Variants in CDCA7L observed in about 807,000 individuals in gnomAD.
The protein encoded by CDCA7L is cell division cycle associated 7 like, also known as cell division cycle-associated 7-like protein.
CDCA7L carries 44 observed loss-of-function variants against 57.4 expected under a neutral mutation model. The observed-to-expected ratio is 0.77, with a 90% CI of 0.60 to 0.98. The LOEUF is 0.98. CDCA7L is among the 50% of genes least tolerant of loss of function. The probability of loss-of-function intolerance (pLI) is 0.00; values close to 1 mark genes in which losing one functional copy is unlikely to be tolerated. For synonymous variants in CDCA7L, 236 were observed against 202.8 expected (o/e 1.16, Z -1.39); for missense variants, 644 against 580.6 (o/e 1.11, Z -1.12).
At chr7:21,904,354 A>AAT in intron 7 of CDCA7L, 95 bp from the exon 8 acceptor site, 1 of 1,209,316 alleles carries the variant, frequency 8.3e-7, no homozygotes, top group Non-Finnish European at 1.1e-6. Flanking sequence ...TATATGAAGA[A>AAT]ATACCCCCGT....
intron 4 of CDCA7L, 50 bp from the exon 5 acceptor site, chr7:21,906,689 T>G: frequency 6.3e-7 from 1 of 1,574,814 alleles, no homozygotes. Flanking sequence ...GGCTCCAGGT[T>G]TAGGTCATCC....
chr7:21,906,285 A>C lies in CDCA7L; in HGVS notation c.921+4T>G, dbSNP rs543951715. 220 of 1,585,946 alleles carry C rather than the reference A, an allele frequency of 1.4e-4. 3 individuals are homozygous for C. The South Asian group carries it at 2.4e-3, about 17-fold the overall frequency. ...AACTAATTCATGTATTAGTCAGAAA[A>C]TACCCCAATTGTCTTCCTTCTTCGG... is the stretch of plus-strand genomic sequence containing the variant. On this transcript the variant is annotated splice_donor_region_variant and intron_variant, in intron 6 of 9. Transcript: ENST00000406877.
intron 7 of CDCA7L, 118 bp downstream of exon 7, chr7:21,905,388 G>T: frequency 8.6e-7 from 1 of 1,158,528 alleles, no homozygotes; most frequent in Non-Finnish European, 1.2e-6. Context: ...CCAATTCAGA[G>T]CCTGGCTCTG....
chr7:21,931,495 T>A (rs989148401), intron 1 of CDCA7L, among the ~76,000 whole-genome samples: 3 of 152,142 alleles, frequency 2.0e-5, no homozygotes, highest in African/African-American at 4.8e-5. Flanking sequence ...ATAAACATAA[T>A]CCATCACATA....
At position 21,902,208 on chromosome 7, in the gene CDCA7L, A is replaced by G; in HGVS notation, c.*114T>C. ...TTTAACAAAAAATAGTAATTTCTAC[A>G]AAGAATTTCTGTATAAAAACACAAC... On this transcript the variant is annotated 3_prime_UTR_variant, in exon 10 of 10. Transcript: ENST00000406877. 2 of 1,005,994 alleles carry G rather than the reference A, an allele frequency of 2.0e-6. No individual in the cohort carries two copies. Among genetic ancestry groups the G allele is most frequent in the South Asian group, 2.7e-5 (2 of 75,026 alleles). 62.3% of individuals were successfully genotyped at this position (1,005,994 alleles called of 1,614,324 possible). A position where few individuals can be genotyped will look rare whatever the true frequency, so the allele number is the denominator to read the frequency against.
chr7:21,906,439 C>T lies in CDCA7L; in HGVS notation c.771G>A (p.Arg257=). ...TGATCTGTCCCTCCGAGAAGGCCCG[C>T]CTCACTGTCTTCTTCCTCTGAAATC... is the stretch of plus-strand genomic sequence containing the variant. The part of the protein sequence containing the change: ...PTSASRKKTV[R]RAFSEGQITR... The change falls in exon 6 of 10, where the codon AGG becomes AGA. Residue 257 remains arginine, a synonymous_variant. Transcript: ENST00000406877. 6.2e-7 allele frequency: 1 copy of T among 1,610,400 alleles called. No individual in the cohort carries two copies. The highest frequency in any genetic ancestry group is 8.5e-7 in the Non-Finnish European group (1 of 1,177,860).
chr7:21,905,806 C>A, intron 6 of CDCA7L, 175 bp from the exon 7 acceptor site: 1 of 678,454 alleles, frequency 1.5e-6, no homozygotes, highest in Non-Finnish European at 2.3e-6. Context: ...GCCAAGCTTC[C>A]TTCTCAGCAA....
At chr7:21,942,110 T>G (rs1302945378) in intron 1 of CDCA7L, among the ~76,000 whole-genome samples, 1 of 152,178 alleles carries the variant, frequency 6.6e-6, no homozygotes, top group African/African-American at 2.4e-5. Context: ...CTCAACTGAC[T>G]ATCTGATCAG....
intron 3 of CDCA7L, among the ~76,000 whole-genome samples, chr7:21,911,203 T>C (rs1785315277): frequency 6.6e-6 from 1 of 151,670 alleles, no homozygotes; most frequent in Non-Finnish European, 1.5e-5. Flanking sequence ...CTAATTTTTG[T>C]ATTTTGAGGA....
intron 9 of CDCA7L, 141 bp downstream of exon 9, chr7:21,902,833 GCAAA>G: frequency 1.4e-6 from 1 of 700,040 alleles, no homozygotes. Flanking sequence ...CTTTTCCAAT[GCAAA>G]CAGATACAGA....
chr7:21,906,322 C>G lies in CDCA7L; in HGVS notation c.888G>C (p.Glu296Asp), dbSNP rs1785137343. The change falls in exon 6 of 10, where the codon GAG becomes GAC. Residue 296 changes from glutamate (E) to aspartate (D), a missense_variant. Physicochemically the swap from Glu to Asp is conservative, Grantham distance 45. Transcript: ENST00000406877. ...TCTTCCTTCTTCGGAAGCTGTAAAACTCTTCCGCAAATTTAGCGGCTGAGA... is the reference window on the plus strand; with the variant it reads ...TCTTCCTTCTTCGGAAGCTGTAAAAGTCTTCCGCAAATTTAGCGGCTGAGA... ...FTVSAAKFAE[E>D]FYSFRRRKTI... is the part of the protein sequence containing the mutation. The G allele has an allele frequency of 1.2e-6, 2 of 1,606,888 alleles. No individual in the cohort carries two copies. The highest frequency in any genetic ancestry group is 8.5e-7 in the Non-Finnish European group (1 of 1,177,584).
chr7:21,918,318 G>A (rs1214756085), intron 1 of CDCA7L, among the ~76,000 whole-genome samples: 4 of 152,144 alleles, frequency 2.6e-5, no homozygotes, highest in Non-Finnish European at 4.4e-5. Context: ...CCTGGATCCC[G>A]ACCCAACTCC....
chr7:21,929,269 A>G lies in CDCA7L; in HGVS notation c.25-12375T>C, dbSNP rs549106643. ...CAAGCAAATGCTGAGAGATTTTGTC[A>G]CCACCAGGCCTGCCTTATAAGAGTT... On this transcript the variant is annotated intron_variant, in intron 1 of 9. Transcript: ENST00000406877. 6.9e-4 allele frequency among the ~76,000 whole-genome samples: 105 copies of G among 152,268 alleles called. 1 individual carries two copies. In the South Asian group the frequency reaches 0.021, roughly 30 times the overall value.
rs773371427 is a variant in CDCA7L, at chr7:21,904,188, A to C, written c.1119T>G (p.Cys373Trp). The change falls in exon 8 of 10, where the codon TGT becomes TGG. Residue 373 changes from cysteine to tryptophan, a missense_variant. By Grantham distance (215) the Cys-to-Trp change is radical (BLOSUM62 -2). Coordinates refer to ENST00000406877, the MANE Select transcript of CDCA7L (RefSeq NM_018719.5). Reference sequence around the variant, plus strand: ...GTCCACAGAACTGTCCTCGCACACCACAGCAACCCTGGTTCCGACACACTG... The same window carrying C: ...GTCCACAGAACTGTCCTCGCACACCCCAGCAACCCTGGTTCCGACACACTG... The part of the protein sequence containing the change: ...TKTVCRNQGC[C>W]GVRGQFCGPC... 5 of 1,613,828 alleles carry C rather than the reference A, an allele frequency of 3.1e-6. No homozygotes were observed. The South Asian group carries it at 4.4e-5, about 14-fold the overall frequency.
At chr7:21,911,790 G>GTA (rs776662984) in intron 2 of CDCA7L, 36 bp from the exon 3 acceptor site, 1 of 1,594,952 alleles carries the variant, frequency 6.3e-7, no homozygotes, top group Admixed American at 1.7e-5. Flanking sequence ...GAGACGGAAA[G>GTA]TAGAATAGAG....
At chr7:21,905,866 A>G (rs374598973) in intron 6 of CDCA7L, among the ~76,000 whole-genome samples, 4 of 152,320 alleles carry the variant, frequency 2.6e-5, no homozygotes, top group East Asian at 1.9e-4. Flanking sequence ...TCTTTGCTGT[A>G]AACTCTGTGG....
At chr7:21,910,606 G>A (rs1287595032) in intron 3 of CDCA7L, among the ~76,000 whole-genome samples, 1 of 152,078 alleles carries the variant, frequency 6.6e-6, no homozygotes, top group African/African-American at 2.4e-5. Context: ...TTTATTTTTT[G>A]CATAAATGTA....
chr7:21,926,153 T>TA (rs947728213), intron 1 of CDCA7L, among the ~76,000 whole-genome samples: 17 of 152,328 alleles, frequency 1.1e-4, no homozygotes, highest in African/African-American at 3.8e-4. Context: ...GTCCTTACAT[T>TA]AAAAACATTT....
chr7:21,917,637 A>C (rs1214473268), intron 1 of CDCA7L, among the ~76,000 whole-genome samples: 1 of 152,212 alleles, frequency 6.6e-6, no homozygotes, highest in Non-Finnish European at 1.5e-5. Flanking sequence ...ATTATTGGTC[A>C]CTGCATTTGC....
Sources: allele counts gnomAD v4.1 joint callset (sites outside exome capture counted in the v4.1 genomes callset), GRCh38; gene constraint gnomAD v4.1.1; transcripts MANE v1.5; gene names NCBI Gene and HGNC (gene_info 2026-07-23, HGNC 2026-07-21).